The following CELF2 variants were observed in gnomAD, a reference collection of about 807,000 sequenced individuals.
The protein encoded by CELF2 is CUG triplet repeat RNA-binding protein 2.
Under a neutral mutation model 62.6 loss-of-function variants are expected in CELF2, and 8 were observed. The observed-to-expected ratio is 0.13, with a 90% CI of 0.07 to 0.23. CELF2 has a LOEUF of 0.23. Ranked by LOEUF, CELF2 falls within the 10% of genes least tolerant of loss-of-function variation. CELF2 has a pLI of 1.00. For missense variants in CELF2, 333 were observed against 671.0 expected (o/e 0.50, Z 5.56); for synonymous variants, 258 against 250.0 (o/e 1.03, Z -0.30).
chr10:11,087,198 A>C (rs547797174), intron 1 of CELF2, among the ~76,000 whole-genome samples: 6 of 152,298 alleles, frequency 3.9e-5, no homozygotes, highest in Non-Finnish European at 7.4e-5. Flanking sequence ...CCCAGGGTTT[A>C]TGGACGACCC....
intron 1 of CELF2, among the ~76,000 whole-genome samples, chr10:11,149,585 T>G (rs1184769031): frequency 6.6e-6 from 1 of 152,198 alleles, no homozygotes; most frequent in Non-Finnish European, 1.5e-5. Context: ...CTTTGCGCCT[T>G]GTGAGGGTGG....
Position 11,332,452 on chromosome 10 carries a change from T to TTTCATCTA in CELF2, c.*3400_*3407dup, listed in dbSNP as rs2096045799. ...TTTTTGGTTTTTTTAATTGAACACA[T>TTTCATCTA]TTCATCTAAGTAAAGCTCAGTTCTT... is the stretch of plus-strand genomic sequence containing the variant. On this transcript the variant is annotated 3_prime_UTR_variant, in exon 13 of 13. Transcript: ENST00000633077. 1 of 152,412 alleles carries TTTCATCTA rather than the reference T, an allele frequency of 6.6e-6. No individual in the cohort carries two copies. Among genetic ancestry groups the TTTCATCTA allele is most frequent in the Non-Finnish European group, 1.5e-5 (1 of 68,004 alleles). 9.4% of individuals were successfully genotyped at this position (152,412 alleles called of 1,614,324 possible).
At chr10:10,774,066 C>T in the CELF2 span, among the ~76,000 whole-genome samples, 2 of 152,190 alleles carry the variant, frequency 1.3e-5, no homozygotes, top group Non-Finnish European at 2.9e-5. Flanking sequence ...GGAGACTAGT[C>T]CCAAATCTGA....
chr10:10,697,281 A>G, the CELF2 span, among the ~76,000 whole-genome samples: 3 of 152,128 alleles, frequency 2.0e-5, no homozygotes, highest in Non-Finnish European at 2.9e-5. Context: ...GATGTTTGCA[A>G]TGGGACAGAC....
chr10:10,730,402 G>A, the CELF2 span, among the ~76,000 whole-genome samples: 6 of 152,112 alleles, frequency 3.9e-5, no homozygotes, highest in South Asian at 2.1e-4. Flanking sequence ...GCTTGAACCC[G>A]GGAGGCAGAA....
chr10:11,206,708 C>G (rs982027063), intron 2 of CELF2, among the ~76,000 whole-genome samples: 3 of 152,216 alleles, frequency 2.0e-5, no homozygotes, highest in Admixed American at 6.5e-5. Flanking sequence ...TTTCATTCTT[C>G]CTTACCTTCA....
the CELF2 span, among the ~76,000 whole-genome samples, chr10:10,506,892 T>C: frequency 6.6e-6 from 1 of 151,860 alleles, no homozygotes; most frequent in Non-Finnish European, 1.5e-5. Flanking sequence ...CTCAAACTCC[T>C]GACCTAAAGT....
chr10:10,747,294 T>G, the CELF2 span, among the ~76,000 whole-genome samples: 1 of 152,218 alleles, frequency 6.6e-6, no homozygotes, highest in Admixed American at 6.5e-5. Context: ...CCAAGAAGCC[T>G]TGTCCTAGAC....
In CELF2 at chr10:11,085,308, G is replaced by A. The variant is rs570148858; in HGVS notation, c.74+67145G>A. Among the ~76,000 whole-genome samples, 3 of 152,280 alleles carry A rather than the reference G, an allele frequency of 2.0e-5. No homozygotes were observed. The South Asian group carries it at 6.2e-4, about 32-fold the overall frequency. ...CATCATTGTTCAGTGGCTGGCCTGGGTCTAGAAGCCAGACCTTTTAACTCC... is the reference window on the plus strand; with the variant it reads ...CATCATTGTTCAGTGGCTGGCCTGGATCTAGAAGCCAGACCTTTTAACTCC... On this transcript the variant is annotated intron_variant, in intron 1 of 12. Transcript: ENST00000633077.
At position 11,249,184 on chromosome 10, in the gene CELF2, A is replaced by G; in HGVS notation, c.386A>G (p.Asp129Gly). 6.2e-7 allele frequency: 1 copy of G among 1,613,720 alleles called. No individual in the cohort carries two copies. The highest frequency in any genetic ancestry group is 8.5e-7 in the Non-Finnish European group (1 of 1,179,574). The change falls in exon 4 of 13, where the codon GAT becomes GGT. Residue 129 changes from aspartate to glycine, a missense_variant. Around this residue, in one of 3 missense-constraint regions of CELF2, gnomAD observed 253 missense variants for 503.0 expected, o/e 0.50. Transcript: ENST00000633077. ...CATCCCATTCAGATGAAACCTGCAG[A>G]TAGTGAAAAGTCCAACGGTAGGTGG... The part of the protein sequence containing the change: ...MHHPIQMKPA[D>G]SEKSNAVEDR...
chr10:10,871,262 G>C (rs1438765048), intron 1 of CELF2, among the ~76,000 whole-genome samples: 5 of 152,154 alleles, frequency 3.3e-5, no homozygotes, highest in African/African-American at 9.7e-5. Context: ...ATTAGGAAAA[G>C]AAACTTCATT....
Position 10,928,888 on chromosome 10 carries a change from C to T in CELF2, c.89+8889C>T, listed in dbSNP as rs750631686. On this transcript the variant is annotated intron_variant, in intron 2 of 13. Coordinates refer to the CELF2 transcript ENST00000636488. This position sits in a 1 kb window ranked among gnomAD's most constrained non-coding sequence, Gnocchi z 4.8. ...CTAGCAGTGCCTGGAACATAGTAGG[C>T]ACGAATAAATATTTGCATAAGTGTT... is the stretch of plus-strand genomic sequence containing the variant. 1.1e-4 allele frequency among the ~76,000 whole-genome samples: 17 copies of T among 152,150 alleles called. No individual in the cohort carries two copies. Among genetic ancestry groups the T allele is most frequent in the Non-Finnish European group, 1.8e-4 (12 of 68,038 alleles).
intron 1 of CELF2, among the ~76,000 whole-genome samples, chr10:10,896,948 C>T (rs555342584): frequency 2.6e-5 from 4 of 152,166 alleles, no homozygotes; most frequent in African/African-American, 7.2e-5. Context: ...AGGAAACTAA[C>T]GTTGATTTTG....
At chr10:10,549,954 G>A in the CELF2 span, among the ~76,000 whole-genome samples, 1 of 152,128 alleles carries the variant, frequency 6.6e-6, no homozygotes, top group Non-Finnish European at 1.5e-5. Flanking sequence ...GGTGAGGGAG[G>A]CAGGATTTGT....
chr10:11,281,116 C>T (rs192577183), intron 8 of CELF2, among the ~76,000 whole-genome samples: 2 of 152,218 alleles, frequency 1.3e-5, no homozygotes, highest in Admixed American at 1.3e-4. Flanking sequence ...GTCACTGCCC[C>T]ACCCCCAGGC....
At chr10:10,671,556 C>T in the CELF2 span, among the ~76,000 whole-genome samples, 35 of 152,106 alleles carry the variant, frequency 2.3e-4, no homozygotes, top group African/African-American at 8.0e-4. Flanking sequence ...CCACAAGCAG[C>T]GAATGAGAGT....
At position 11,297,512 on chromosome 10, in the gene CELF2, G is replaced by T. The variant is rs1245379417; in HGVS notation, c.976+8960G>T. Among the ~76,000 whole-genome samples, 1 of 152,120 alleles carries T rather than the reference G, an allele frequency of 6.6e-6. No homozygotes were observed. Among genetic ancestry groups the T allele is most frequent in the Non-Finnish European group, 1.5e-5 (1 of 68,036 alleles). ...GCACAGTGTCAGGGGAGCCAAGCAG[G>T]ATGGGGCTGGAGGAGGAAAAGGCAG... On this transcript the variant is annotated intron_variant, in intron 9 of 12. Transcript: ENST00000633077. This position sits in a 1 kb window ranked among gnomAD's most constrained non-coding sequence, Gnocchi z 4.4.
chr10:11,306,125 C>T lies in CELF2; in HGVS notation c.977-8014C>T, dbSNP rs115608057. ...TATCCAAGTTATTGCAGCCACTGTG[C>T]GAGCAAGGTGAGGTGCACTTTGCAG... On this transcript the variant is annotated intron_variant, in intron 9 of 12. Coordinates refer to ENST00000633077, the MANE Select transcript of CELF2 (RefSeq NM_001326342.2). The surrounding 1 kb of genome is among the most constrained non-coding windows in gnomAD (Gnocchi z 4.4). 0.015 allele frequency among the ~76,000 whole-genome samples: 2,260 copies of T among 152,194 alleles called. 57 individuals carry two copies. The highest frequency in any genetic ancestry group is 0.052 in the African/African-American group (2,157 of 41,522).
chr10:10,503,690 A>G, the CELF2 span, among the ~76,000 whole-genome samples: 5 of 152,064 alleles, frequency 3.3e-5, no homozygotes, highest in Non-Finnish European at 5.9e-5. Context: ...TGTTACTGGT[A>G]TATTTAGATC....
Sources: allele counts gnomAD v4.1 joint callset (sites outside exome capture counted in the v4.1 genomes callset), GRCh38; gene constraint gnomAD v4.1.1; regional missense constraint gnomAD v4.1.1; non-coding constraint Gnocchi (gnomAD v3.1); transcripts MANE v1.5; gene names NCBI Gene and HGNC (gene_info 2026-07-23, HGNC 2026-07-21).